Variants in AP2S1 observed in about 807,000 individuals in gnomAD.
AP2S1 encodes the protein AP-2 complex subunit sigma.
In AP2S1, 6 loss-of-function variants were observed where a neutral mutation model predicts 21.0. That is an observed-to-expected ratio of 0.29 (90% CI 0.16 to 0.56). AP2S1 has a LOEUF of 0.56. AP2S1 is among the 20% of genes least tolerant of loss of function. The pLI, the probability that AP2S1 is intolerant of heterozygous loss-of-function variation, is 0.92. For synonymous variants in AP2S1, 63 were observed against 74.6 expected (o/e 0.84, Z 0.80); for missense variants, 60 against 186.2 (o/e 0.32, Z 3.95).
intron 2 of AP2S1, among the ~76,000 whole-genome samples, chr19:46,844,324 C>T (rs929665920): frequency 6.6e-6 from 1 of 152,176 alleles, no homozygotes; most frequent in Non-Finnish European, 1.5e-5. Flanking sequence ...CCCTTCCTGG[C>T]TGCATTCCTG....
At chr19:46,841,404 T>G (rs757632324) in intron 2 of AP2S1, among the ~76,000 whole-genome samples, 3 of 152,192 alleles carry the variant, frequency 2.0e-5, no homozygotes, top group Non-Finnish European at 2.9e-5. Flanking sequence ...CCAGCCTCCC[T>G]TCCTGTTTTA....
intron 1 of AP2S1, among the ~76,000 whole-genome samples, chr19:46,849,947 C>T (rs1287160965): frequency 6.6e-6 from 1 of 152,154 alleles, no homozygotes; most frequent in Non-Finnish European, 1.5e-5. Context: ...CCCAAAGAAC[C>T]CTTTCCTAGA....
rs570595397 is a variant in AP2S1, at chr19:46,844,630, G to A, written c.153+1363C>T. On this transcript the variant is annotated intron_variant, in intron 2 of 4. Coordinates refer to ENST00000263270, the MANE Select transcript of AP2S1 (RefSeq NM_004069.6). ...CTGGGCAACATGGTGAGACCCCATCGCTACCAAAAATACAAATATTAGCTG... is the reference window on the plus strand; with the variant it reads ...CTGGGCAACATGGTGAGACCCCATCACTACCAAAAATACAAATATTAGCTG... Among the ~76,000 whole-genome samples the A allele has an allele frequency of 7.3e-5, 11 of 149,770 alleles. No homozygotes were observed. In the East Asian group the frequency reaches 1.2e-3, roughly 16 times the overall value.
intron 2 of AP2S1, among the ~76,000 whole-genome samples, chr19:46,842,001 C>G (rs920238679): frequency 1.3e-5 from 2 of 152,046 alleles, no homozygotes; most frequent in Non-Finnish European, 2.9e-5. Context: ...GGCAACATAT[C>G]AAGACCCATC....
chr19:46,850,358 C>G, intron 1 of AP2S1: 1 of 1,244,562 alleles, frequency 8.0e-7, no homozygotes, highest in Non-Finnish European at 1.0e-6. Flanking sequence ...TCCAAGGTCT[C>G]GCGTTCTCGT....
chr19:46,844,315 C>T (rs992544640), intron 2 of AP2S1, among the ~76,000 whole-genome samples: 1 of 152,202 alleles, frequency 6.6e-6, no homozygotes, highest in African/African-American at 2.4e-5. Flanking sequence ...CATCTCCTCC[C>T]CTTCCTGGCT....
intron 1 of AP2S1, among the ~76,000 whole-genome samples, chr19:46,847,880 T>C (rs2055665313): frequency 6.6e-6 from 1 of 152,230 alleles, no homozygotes; most frequent in Non-Finnish European, 1.5e-5. Context: ...AATACTGCTA[T>C]GAACATTCGT....
chr19:46,841,014 C>A (rs1785710363), intron 2 of AP2S1, among the ~76,000 whole-genome samples: 1 of 151,932 alleles, frequency 6.6e-6, no homozygotes, highest in Admixed American at 6.6e-5. Flanking sequence ...AGTGCAGCGG[C>A]GCAATCTTGG....
Position 46,839,491 on chromosome 19 carries a change from G to A in AP2S1, c.241C>T (p.Leu81=), listed in dbSNP as rs377069919. ...TCCACGAAGTTGTGAATGGCCTCCA[G>A]GTAAGCCAGGTTGTTGTCATTGACA... The part of the protein sequence containing the change: ...VDVNDNNLAY[L]EAIHNFVEVL... Residue 81 remains leucine (L), a synonymous_variant, in exon 3 of 5, where the codon CTG becomes TTG. Transcript: ENST00000263270. 13 of 1,499,238 alleles carry A rather than the reference G, an allele frequency of 8.7e-6. No homozygotes were observed. Among genetic ancestry groups the A allele is most frequent in the African/African-American group, 8.4e-5 (6 of 71,192 alleles). The allele number at this position is 1,499,238 out of a possible 1,614,324, so 92.9% of individuals were successfully genotyped here. A position where few individuals can be genotyped will look rare whatever the true frequency, so the allele number is the denominator to read the frequency against.
At chr19:46,850,029 C>T in intron 1 of AP2S1, 12 of 1,002,172 alleles carry the variant, frequency 1.2e-5, no homozygotes, top group Non-Finnish European at 1.5e-5. Context: ...ACAAAGATTC[C>T]TCCCCAGGTC....
At chr19:46,848,639 C>G (rs547594596) in intron 1 of AP2S1, among the ~76,000 whole-genome samples, 2 of 152,172 alleles carry the variant, frequency 1.3e-5, no homozygotes, top group Non-Finnish European at 2.9e-5. Flanking sequence ...AGTCCAAAGG[C>G]TTTGCTCTGA....
At chr19:46,845,671 T>C (rs564078662) in intron 2 of AP2S1, 1 of 191,846 alleles carries the variant, frequency 5.2e-6, no homozygotes, top group East Asian at 1.3e-4. Context: ...AAAAATTCTT[T>C]TTTAATCGTA....
rs202243234 is a variant in AP2S1 at position 46,839,312 on chromosome 19, A to G, written c.267+153T>C. The stretch of plus-strand genomic sequence containing the variant: ...AAAAAAAAAAAAAAAAAAAAAAAAA[A>G]AAAAAGAAAAAGAAAAAAAAGAAAT... On this transcript the variant is annotated intron_variant, in intron 3 of 4. Coordinates refer to ENST00000263270, the MANE Select transcript of AP2S1 (RefSeq NM_004069.6). Among the ~76,000 whole-genome samples the G allele has an allele frequency of 4.5e-4, 65 of 144,256 alleles. 1 individual carries two copies. Among genetic ancestry groups the G allele is most frequent in the African/African-American group, 1.1e-3 (38 of 36,080 alleles). The allele number at this position is 144,256 out of a possible 152,430, so 94.6% of individuals were successfully genotyped here.
At chr19:46,847,841 G>A (rs1328836356) in intron 1 of AP2S1, among the ~76,000 whole-genome samples, 3 of 152,114 alleles carry the variant, frequency 2.0e-5, no homozygotes, top group African/African-American at 7.2e-5. Context: ...GGGCATTTGG[G>A]TTGTTTCTGC....
intron 1 of AP2S1, chr19:46,850,453 G>C: frequency 2.6e-6 from 2 of 760,446 alleles, no homozygotes; most frequent in Non-Finnish European, 3.7e-6. Context: ...CTACCCACAA[G>C]ACTGTGTCTC....
At position 46,842,665 on chromosome 19, in the gene AP2S1, C is replaced by A. The variant is rs188126842; in HGVS notation, c.154-3087G>T. ...GCCCCAGCCCTCAGCACAGGACCAG[C>A]CACTACATTAGCAGCAAGGTGCCCA... On this transcript the variant is annotated intron_variant, in intron 2 of 4. Transcript: ENST00000263270. 2.9e-3 allele frequency among the ~76,000 whole-genome samples: 448 copies of A among 152,248 alleles called. 5 individuals carry two copies. Among genetic ancestry groups the A allele is most frequent in the African/African-American group, 0.01 (417 of 41,540 alleles).
Position 46,850,017 on chromosome 19 carries a change from C to T in AP2S1, c.3+747G>A, listed in dbSNP as rs151131197. 98 of 926,856 alleles carry T rather than the reference C, an allele frequency of 1.1e-4. 1 individual carries two copies. In the East Asian group the frequency reaches 2.7e-3, roughly 25 times the overall value. 57.4% of individuals were successfully genotyped at this position (926,856 alleles called of 1,614,324 possible). Reference sequence around the variant, plus strand: ...TAAATCCAATGTTGAGTCTTTGCCCCAACAAAGATTCCTCCCCAGGTCTCA... The same window carrying T: ...TAAATCCAATGTTGAGTCTTTGCCCTAACAAAGATTCCTCCCCAGGTCTCA... On this transcript the variant is annotated intron_variant, in intron 1 of 4. Coordinates refer to ENST00000263270, the MANE Select transcript of AP2S1 (RefSeq NM_004069.6).
intron 2 of AP2S1, 99 bp downstream of exon 2, chr19:46,845,894 G>T (rs1421513120): frequency 6.0e-6 from 9 of 1,503,864 alleles, no homozygotes; most frequent in Non-Finnish European, 8.2e-6. Context: ...AGGATGGATA[G>T]AGGGTCCAAG....
intron 1 of AP2S1, among the ~76,000 whole-genome samples, chr19:46,848,874 G>A (rs966359575): frequency 8.6e-5 from 13 of 151,882 alleles, no homozygotes; most frequent in South Asian, 2.1e-4. Flanking sequence ...CACCATGCCC[G>A]GCTAATTTTT....
Sources: allele counts gnomAD v4.1 joint callset (sites outside exome capture counted in the v4.1 genomes callset), GRCh38; gene constraint gnomAD v4.1.1; transcripts MANE v1.5; gene names NCBI Gene and HGNC (gene_info 2026-07-23, HGNC 2026-07-21).